PAICS: variants seen among roughly 807,000 people sequenced by gnomAD.
The protein encoded by PAICS is bifunctional phosphoribosylaminoimidazole carboxylase/phosphoribosylaminoimidazole succinocarboxamide synthetase.
PAICS carries 33 observed loss-of-function variants against 53.7 expected under a neutral mutation model. The observed-to-expected ratio is 0.61, with a 90% confidence interval of 0.47 to 0.82. The LOEUF (loss-of-function observed/expected upper bound fraction) is 0.82, where lower values mean the gene tolerates loss of function less well. Among genes scored for constraint, PAICS ranks in the 40% least tolerant of loss-of-function variants. The probability of loss-of-function intolerance (pLI) is 0.00; values close to 1 mark genes in which losing one functional copy is unlikely to be tolerated. For missense variants in PAICS, 394 were observed against 494.1 expected, an observed-to-expected ratio of 0.80 and a Z score of 1.92; for synonymous variants, 141 against 167.2, an observed-to-expected ratio of 0.84 and a Z score of 1.21.
chr4:56,427,117 T>G, the PAICS span, among the ~76,000 whole-genome samples: 9 of 152,268 alleles, frequency 5.9e-5, no homozygotes, highest in Admixed American at 2.6e-4. Flanking sequence ...ACCATTTTGT[T>G]TATTCATCCA....
At chr4:56,443,376 C>T (rs547630983) in intron 2 of PAICS, among the ~76,000 whole-genome samples, 3 of 152,074 alleles carry the variant, frequency 2.0e-5, no homozygotes, top group South Asian at 2.1e-4. Flanking sequence ...TTAGTAGAGA[C>T]GAGGTTTTGC....
chr4:56,428,456 C>T, the PAICS span, among the ~76,000 whole-genome samples: 4 of 151,722 alleles, frequency 2.6e-5, no homozygotes, highest in African/African-American at 4.8e-5. Flanking sequence ...AGACAGAGAC[C>T]GGAAACAATG....
upstream of PAICS, chr4:56,431,398 A>G: frequency 1.2e-5 from 12 of 972,084 alleles, no homozygotes; most frequent in Non-Finnish European, 1.5e-5. Flanking sequence ...TTCCAGTGGT[A>G]ATGTTCTGTA....
At chr4:56,439,597 T>C (rs779928438) in intron 1 of PAICS, among the ~76,000 whole-genome samples, 2 of 152,150 alleles carry the variant, frequency 1.3e-5, no homozygotes, top group Non-Finnish European at 2.9e-5. Context: ...AGCTACTATC[T>C]TAAATATCTT....
chr4:56,433,238 A>T (rs1335080395), upstream of PAICS, among the ~76,000 whole-genome samples: 4 of 151,868 alleles, frequency 2.6e-5, no homozygotes, highest in African/African-American at 9.7e-5. Flanking sequence ...CCTACACAAG[A>T]GAAATGTTAA....
the PAICS span, among the ~76,000 whole-genome samples, chr4:56,425,986 G>C: frequency 6.6e-6 from 1 of 152,104 alleles, no homozygotes; most frequent in African/African-American, 2.4e-5. Context: ...ACTTTTCTGA[G>C]ATGTGATTTA....
the PAICS span, among the ~76,000 whole-genome samples, chr4:56,413,408 G>A: frequency 6.6e-6 from 1 of 152,128 alleles, no homozygotes; most frequent in Non-Finnish European, 1.5e-5. Flanking sequence ...GCCCACCTTG[G>A]CCTCCCAAAG....
At chr4:56,441,358 G>A (rs534306683) in intron 1 of PAICS, among the ~76,000 whole-genome samples, 1 of 152,248 alleles carries the variant, frequency 6.6e-6, no homozygotes, top group East Asian at 1.9e-4. Flanking sequence ...AGGATTTGAT[G>A]TCAGAGGAGT....
upstream of PAICS, among the ~76,000 whole-genome samples, chr4:56,431,766 G>A (rs568697215): frequency 7.9e-5 from 12 of 152,320 alleles, no homozygotes; most frequent in Non-Finnish European, 1.5e-4. Context: ...TCCATAAAAT[G>A]TGACTGTGTT....
chr4:56,446,486 G>C (rs1186261606), intron 2 of PAICS: 1 of 687,890 alleles, frequency 1.5e-6, no homozygotes, highest in African/African-American at 1.8e-5. Flanking sequence ...CCTTTTTATG[G>C]CTGAACAATA....
chr4:56,453,036 T>A (rs189584032), intron 7 of PAICS, among the ~76,000 whole-genome samples: 7 of 152,320 alleles, frequency 4.6e-5, no homozygotes, highest in Non-Finnish European at 2.9e-5. Flanking sequence ...TTAACAAATC[T>A]CTGCTTTAGG....
intron 2 of PAICS, among the ~76,000 whole-genome samples, chr4:56,444,477 G>C (rs1305552158): frequency 6.6e-6 from 1 of 152,118 alleles, no homozygotes; most frequent in African/African-American, 2.4e-5. Flanking sequence ...ATCTAAAAGA[G>C]GGATGGCCAC....
chr4:56,435,718 AG>A (rs1364722899), upstream of PAICS: 22 of 1,467,556 alleles, frequency 1.5e-5, no homozygotes, highest in Non-Finnish European at 1.8e-5. Context: ...CCCGCGGCTG[AG>A]GGGCGGGGTC....
chr4:56,463,653 A>G lies in PAICS; in HGVS notation c.*4115A>G, dbSNP rs2110106150. 6.7e-6 allele frequency: 1 copy of G among 149,452 alleles called. No individual in the cohort carries two copies. Among genetic ancestry groups the G allele is most frequent in the South Asian group, 2.1e-4 (1 of 4,690 alleles). 9.3% of individuals were successfully genotyped at this position (149,452 alleles called of 1,614,324 possible). The stretch of plus-strand genomic sequence containing the variant: ...GGTTGTGGTGAGCTGAGATCGAACC[A>G]TTGCACTCCAGCCTGGGCAACAAGA... On this transcript the variant is annotated 3_prime_UTR_variant, in exon 9 of 9. Transcript: ENST00000512576.
chr4:56,441,690 AG>A lies in PAICS; in HGVS notation c.47del (p.Gly16ValfsTer10). 1 of 1,582,890 alleles carries A rather than the reference AG, an allele frequency of 6.3e-7. No individual in the cohort carries two copies. Among genetic ancestry groups the A allele is most frequent in the South Asian group, 1.2e-5 (1 of 84,276 alleles). On this transcript the variant is annotated frameshift_variant, in exon 2 of 9. Coordinates refer to ENST00000512576, the MANE Select transcript of PAICS (RefSeq NM_001079524.2). LOFTEE classifies it high-confidence loss of function. The stretch of plus-strand genomic sequence containing the variant: ...CTGAACATTGGTAAAAAATTATATG[AG>A]GGTAAAACAAAAGAAGTCTACGAAT... ...EVLNIGKKLY[E>X]GKTKEVYELL...
chr4:56,448,068 C>T (rs1011905444), intron 3 of PAICS, among the ~76,000 whole-genome samples: 8 of 139,840 alleles, frequency 5.7e-5, no homozygotes, highest in South Asian at 2.2e-4. Flanking sequence ...AGTGCAGTGG[C>T]GCTCTCTCAG....
chr4:56,464,468 ATC>A lies in PAICS; in HGVS notation c.*4936_*4937del, dbSNP rs1448055434. On this transcript the variant is annotated 3_prime_UTR_variant, in exon 9 of 9. Transcript: ENST00000512576. ...ACTAATTCTCCACAGTCTATACTCAATCTCTCTTACCTTTCCATAATTTTCTT... is the reference window on the plus strand; with the variant it reads ...ACTAATTCTCCACAGTCTATACTCAATCTCTTACCTTTCCATAATTTTCTT... 1 of 152,206 alleles carries A rather than the reference ATC, an allele frequency of 6.6e-6. No homozygotes were observed. The highest frequency in any genetic ancestry group is 1.5e-5 in the Non-Finnish European group (1 of 68,036). 9.4% of individuals were successfully genotyped at this position (152,206 alleles called of 1,614,324 possible).
chr4:56,445,893 C>T lies in PAICS; in HGVS notation c.215-802C>T, dbSNP rs1299958028. ...TACTTTGTACTGTGATGTAATAACACTTCCAGGAGAGGCAATACAGCAAAG... is the reference window on the plus strand; with the variant it reads ...TACTTTGTACTGTGATGTAATAACATTTCCAGGAGAGGCAATACAGCAAAG... On this transcript the variant is annotated intron_variant, in intron 2 of 8. Coordinates refer to ENST00000512576, the MANE Select transcript of PAICS (RefSeq NM_001079524.2). Among the ~76,000 whole-genome samples the T allele has an allele frequency of 3.9e-5, 6 of 152,114 alleles. 1 individual carries two copies. Among genetic ancestry groups the T allele is most frequent in the Admixed American group, 2.6e-4 (4 of 15,272 alleles).
chr4:56,414,968 T>C, the PAICS span, among the ~76,000 whole-genome samples: 3 of 152,234 alleles, frequency 2.0e-5, no homozygotes, highest in East Asian at 1.9e-4. Context: ...AACTGTGCCA[T>C]CTGAAAGCAG....
Sources: gnomAD v4.1 joint callset for allele counts (sites outside exome capture counted in the v4.1 genomes callset) on GRCh38, gnomAD v4.1.1 for gene constraint, MANE v1.5 for transcripts, NCBI Gene and HGNC (gene_info 2026-07-23, HGNC 2026-07-21) for gene names.